The following LIPG variants were observed in gnomAD, a reference collection of about 807,000 sequenced individuals.
The protein encoded by LIPG is lipase G, endothelial type, also known as endothelial lipase.
A neutral mutation model predicts 51.8 loss-of-function variants in LIPG; 34 were observed. The observed-to-expected ratio is 0.66, with a 90% CI of 0.50 to 0.87. The LOEUF is 0.87. Ranked by LOEUF, LIPG falls within the 40% of genes least tolerant of loss-of-function variation. The pLI is 0.00. For synonymous variants in LIPG, 246 were observed against 246.1 expected (o/e 1.00, Z 0.00); for missense variants, 580 against 652.7 (o/e 0.89, Z 1.21).
rs1477891505 is a variant in LIPG, at chr18:49,599,066, A to T, written c.*8544A>T. 2 of 152,240 alleles carry T rather than the reference A, an allele frequency of 1.3e-5. No homozygotes were observed. Among genetic ancestry groups the T allele is most frequent in the African/African-American group, 4.8e-5 (2 of 41,460 alleles). 9.4% of individuals were successfully genotyped at this position (152,240 alleles called of 1,614,324 possible). A position where few individuals can be genotyped will look rare whatever the true frequency, so the allele number is the denominator to read the frequency against. On this transcript the variant is annotated 3_prime_UTR_variant, in exon 10 of 10. Transcript: ENST00000261292. ...AGTTATTAGAGTAATGCTACTATGAACATTTGCATATGAATCCTTGTATGG... is the reference window on the plus strand; with the variant it reads ...AGTTATTAGAGTAATGCTACTATGATCATTTGCATATGAATCCTTGTATGG...
At chr18:49,581,892 T>C in intron 6 of LIPG, 1 of 605,308 alleles carries the variant, frequency 1.7e-6, no homozygotes, top group South Asian at 2.1e-5. Context: ...TATCAATATC[T>C]TAAATTTCTA....
In LIPG at chr18:49,586,760, C is replaced by G; in HGVS notation, c.1391C>G (p.Thr464Arg). 1 of 1,613,736 alleles carries G rather than the reference C, an allele frequency of 6.2e-7. No homozygotes were observed. The highest frequency in any genetic ancestry group is 8.5e-7 in the Non-Finnish European group (1 of 1,179,646). ...TTCCCTCCTAGACTGACATTTTGTA[C>G]AGAAGACCCTGAGAACACCAGCATA... Reference protein sequence around the residue: ...GETQRKLTFCTEDPENTSISP... With the variant: ...GETQRKLTFCREDPENTSISP... The change falls in exon 9 of 10, where the codon ACA becomes AGA. Residue 464 changes from threonine to arginine, a missense_variant. By Grantham distance (71) the Thr-to-Arg change is moderately conservative (BLOSUM62 -1). Transcript: ENST00000261292.
chr18:49,578,632 A>G (rs1291463331), intron 5 of LIPG, among the ~76,000 whole-genome samples: 1 of 150,850 alleles, frequency 6.6e-6, no homozygotes, highest in East Asian at 2.0e-4. Flanking sequence ...GCGGCCGGGC[A>G]GAGGCTGCAA....
chr18:49,590,194 TGTGTG>T, intron 9 of LIPG: 1 of 478,622 alleles, frequency 2.1e-6, no homozygotes. Context: ...TGTGTGTGTG[TGTGTG>T]TGTGTGTGTA....
intron 9 of LIPG, among the ~76,000 whole-genome samples, chr18:49,588,800 A>G (rs8087722): frequency 0.043 from 6,495 of 152,192 alleles, 456 homozygotes; most frequent in African/African-American, 0.15. Flanking sequence ...AACACCTGCT[A>G]AGGAGGAAGG....
chr18:49,590,509 T>A lies in LIPG; in HGVS notation c.1490T>A (p.Val497Glu). 1 of 1,602,922 alleles carries A rather than the reference T, an allele frequency of 6.2e-7. No individual in the cohort carries two copies. The highest frequency in any genetic ancestry group is 2.2e-5 in the East Asian group (1 of 44,662). The change falls in exon 10 of 10, where the codon GTG becomes GAG. Residue 497 changes from valine (V) to glutamate (E), a missense_variant. By Grantham distance (121) the Val-to-Glu change is moderately radical (BLOSUM62 -2). Coordinates refer to ENST00000261292, the MANE Select transcript of LIPG (RefSeq NM_006033.4). The stretch of plus-strand genomic sequence containing the variant: ...CACACGGTTTCTTTCAGTCCCACTG[T>A]GGAGCTTCCCTGAGGGTGCCCGGGC... ...WRMKNETSPTVELP is the reference protein window; with the variant it reads ...WRMKNETSPTEELP
rs1600556596 is a variant in LIPG, at chr18:49,578,196, G to T, written c.793+2606G>T. Among the ~76,000 whole-genome samples the T allele has an allele frequency of 3.4e-5, 5 of 148,788 alleles. No homozygotes were observed. The South Asian group carries it at 1.1e-3, about 32-fold the overall frequency. On this transcript the variant is annotated intron_variant, in intron 5 of 9. Transcript: ENST00000261292. ...TCCTCACCTCCCAGATGGGGTGGCT[G>T]CCGGGCGGAGAGGCTCCTCACTTCT...
Position 49,594,341 on chromosome 18 carries a change from G to T in LIPG, c.*3819G>T, listed in dbSNP as rs933989412. On this transcript the variant is annotated 3_prime_UTR_variant, in exon 10 of 10. Transcript: ENST00000261292. Reference sequence around the variant, plus strand: ...GTAGAGACAAGGTTTCACCATGTTGGCCAGGCTGGTCTTGAACTCCTGACC... The same window carrying T: ...GTAGAGACAAGGTTTCACCATGTTGTCCAGGCTGGTCTTGAACTCCTGACC... 1.3e-5 allele frequency: 2 copies of T among 152,114 alleles called. No individual in the cohort carries two copies. The highest frequency in any genetic ancestry group is 2.1e-4 in the South Asian group (1 of 4,814). The allele number at this position is 152,114 out of a possible 1,614,324, so 9.4% of individuals were successfully genotyped here. A position where few individuals can be genotyped will look rare whatever the true frequency, so the allele number is the denominator to read the frequency against.
Position 49,569,505 on chromosome 18 carries a change from G to A in LIPG, c.528G>A (p.Gly176=), listed in dbSNP as rs1382468346. Residue 176 remains glycine (G), a synonymous_variant, in exon 4 of 10, where the codon GGG becomes GGA. Transcript: ENST00000261292. ...IGYSLGAHVA[G]YAGNFVKGTV... ...ACAGCCTCGGAGCGCACGTGGCCGG[G>A]TATGCAGGCAACTTCGTGAAAGGAA... 4 of 1,614,088 alleles carry A rather than the reference G, an allele frequency of 2.5e-6. No homozygotes were observed. Among genetic ancestry groups the A allele is most frequent in the African/African-American group, 1.3e-5 (1 of 74,926 alleles).
intron 3 of LIPG, among the ~76,000 whole-genome samples, chr18:49,568,088 G>T (rs1184757562): frequency 6.6e-6 from 1 of 152,174 alleles, no homozygotes; most frequent in African/African-American, 2.4e-5. Context: ...GGAGTACAGT[G>T]GTGTGATCTT....
upstream of LIPG, chr18:49,561,585 G>C: frequency 1.1e-6 from 1 of 906,486 alleles, no homozygotes; most frequent in Admixed American, 4.3e-5. Flanking sequence ...GAGAAGAGGA[G>C]GACAAAGGGG....
intron 5 of LIPG, among the ~76,000 whole-genome samples, chr18:49,579,020 G>A (rs12960406): frequency 0.012 from 6 of 494 alleles, no homozygotes; most frequent in Non-Finnish European, 0.018. Context: ...GAGAGGGAGA[G>A]GGAGAGGGAG....
chr18:49,569,577 T>C lies in LIPG; in HGVS notation c.571+29T>C, dbSNP rs751173375. On this transcript the variant is annotated intron_variant, in intron 4 of 9. Coordinates refer to ENST00000261292, the MANE Select transcript of LIPG (RefSeq NM_006033.4). ...AGCTCCACTTCCATCACTAAAGGGCTCCCTCAGCTGCGCTAAGCCGGAATG... is the reference window on the plus strand; with the variant it reads ...AGCTCCACTTCCATCACTAAAGGGCCCCCTCAGCTGCGCTAAGCCGGAATG... 5 of 1,551,058 alleles carry C rather than the reference T, an allele frequency of 3.2e-6. No homozygotes were observed. In the South Asian group the frequency reaches 5.6e-5, roughly 17 times the overall value.
intron 8 of LIPG, 29 bp from the exon 9 acceptor site, chr18:49,586,717 C>G: frequency 6.6e-7 from 1 of 1,511,072 alleles, no homozygotes; most frequent in East Asian, 2.3e-5. Flanking sequence ...AAAGTTCTGC[C>G]TACATCAGTG....
chr18:49,569,588 C>T (rs750394188), intron 4 of LIPG, 40 bp downstream of exon 4: 138 of 1,500,004 alleles, frequency 9.2e-5, no homozygotes, highest in Non-Finnish European at 1.1e-4. Context: ...CCCTCAGCTG[C>T]GCTAAGCCGG....
intron 2 of LIPG, 32 bp downstream of exon 2, chr18:49,565,530 T>C: frequency 1.9e-6 from 3 of 1,612,224 alleles, no homozygotes; most frequent in Non-Finnish European, 1.7e-6. Flanking sequence ...TGCGGCTTTA[T>C]ATAAGATTTG....
At chr18:49,561,709 C>A (rs1442100262), upstream of LIPG, 5 of 1,244,560 alleles carry the variant, frequency 4.0e-6, no homozygotes, top group African/African-American at 7.8e-5. Context: ...CCAGGGATCG[C>A]CTCCCCAGCG....
At chr18:49,568,749 G>A (rs2084633015) in intron 3 of LIPG, among the ~76,000 whole-genome samples, 1 of 152,132 alleles carries the variant, frequency 6.6e-6, no homozygotes, top group Non-Finnish European at 1.5e-5. Flanking sequence ...GCAGGGCAGG[G>A]TACACTGTCA....
chr18:49,582,179 C>T (rs2084827220), intron 6 of LIPG, among the ~76,000 whole-genome samples, 183 bp from the exon 7 acceptor site: 1 of 152,154 alleles, frequency 6.6e-6, no homozygotes, highest in Admixed American at 6.5e-5. Context: ...TGCAGGGCTC[C>T]TTCCATACTG....
Sources: allele counts gnomAD v4.1 joint callset (sites outside exome capture counted in the v4.1 genomes callset), GRCh38; gene constraint gnomAD v4.1.1; transcripts MANE v1.5; gene names NCBI Gene and HGNC (gene_info 2026-07-23, HGNC 2026-07-21).